EML6: variants seen among roughly 807,000 people sequenced by gnomAD.
The protein encoded by EML6 is EMAP like 6, also known as echinoderm microtubule-associated protein-like 6.
EML6 carries 154 observed loss-of-function variants against 240.1 expected under a neutral mutation model. The ratio of observed to expected loss-of-function variants is 0.64; its 90% CI spans 0.56 to 0.73. The LOEUF (loss-of-function observed/expected upper bound fraction) is 0.73, where lower values mean the gene tolerates loss of function less well. Among genes scored for constraint, EML6 ranks in the 30% least tolerant of loss-of-function variants. The pLI, the probability that EML6 is intolerant of heterozygous loss-of-function variation, is 0.00. For synonymous variants in EML6, 1,148 were observed against 899.0 expected, an observed-to-expected ratio of 1.28 and a Z score of -4.95; for missense variants, 2,964 against 2,474.6, an observed-to-expected ratio of 1.20 and a Z score of -4.20.
intron 2 of EML6, among the ~76,000 whole-genome samples, chr2:54,810,667 G>A (rs911879481): frequency 5.9e-5 from 9 of 152,126 alleles, no homozygotes; most frequent in African/African-American, 2.2e-4. Context: ...CCTATTGCAG[G>A]GGGAGAGGCA....
intron 2 of EML6, among the ~76,000 whole-genome samples, chr2:54,767,256 G>A (rs1475018929): frequency 6.6e-6 from 1 of 152,024 alleles, no homozygotes; most frequent in South Asian, 2.1e-4. Flanking sequence ...AGTTTGACAA[G>A]CCCTATTCAA....
chr2:54,916,872 C>G lies in EML6; in HGVS notation c.3612C>G (p.Asp1204Glu), dbSNP rs1279331603. 6.5e-6 allele frequency: 10 copies of G among 1,550,284 alleles called. No individual in the cohort carries two copies. Among genetic ancestry groups the G allele is most frequent in the African/African-American group, 1.4e-5 (1 of 73,018 alleles). The change falls in exon 26 of 42, where the codon GAC becomes GAG. Residue 1204 changes from aspartate (D) to glutamate (E), a missense_variant. Asp to Glu is a conservative substitution (Grantham distance 45). Coordinates refer to ENST00000356458, the MANE Select transcript of EML6 (RefSeq NM_001039753.4). Reference sequence around the variant, plus strand: ...TAAATGCTGCCAGTCTTACCAAAGACTGTTCCCTTTTAGCCACCGGAGATG... The same window carrying G: ...TAAATGCTGCCAGTCTTACCAAAGAGTGTTCCCTTTTAGCCACCGGAGATG... ...TDVNAASLTK[D>E]CSLLATGDDF...
chr2:54,815,939 A>G (rs1238514562), intron 3 of EML6, among the ~76,000 whole-genome samples: 1 of 152,232 alleles, frequency 6.6e-6, no homozygotes, highest in Admixed American at 6.5e-5. Context: ...CTTGACCCAT[A>G]CAACAATCCA....
At chr2:54,786,614 C>T (rs1669104605) in intron 2 of EML6, among the ~76,000 whole-genome samples, 1 of 152,176 alleles carries the variant, frequency 6.6e-6, no homozygotes, top group Admixed American at 6.5e-5. Flanking sequence ...GTAGAACCCA[C>T]AACACACATT....
intron 21 of EML6, among the ~76,000 whole-genome samples, chr2:54,897,185 T>G (rs371529579): frequency 5.3e-5 from 8 of 152,240 alleles, no homozygotes; most frequent in Non-Finnish European, 1.2e-4. Context: ...CCCAATATGA[T>G]TTAAATAATA....
intron 33 of EML6, among the ~76,000 whole-genome samples, chr2:54,958,216 G>T (rs1676325714): frequency 6.6e-6 from 1 of 152,262 alleles, no homozygotes; most frequent in East Asian, 1.9e-4. Context: ...TTCTGAGACA[G>T]AGTCTTGCTC....
chr2:54,930,395 A>G (rs1674789347), intron 28 of EML6, among the ~76,000 whole-genome samples: 2 of 152,208 alleles, frequency 1.3e-5, no homozygotes, highest in South Asian at 4.1e-4. Flanking sequence ...AGGAGGACTG[A>G]TGATAGAGAG....
At position 54,950,792 on chromosome 2, in the gene EML6, T is replaced by TA. The variant is rs1224408801; in HGVS notation, c.4213+19dup. 1 of 1,544,962 alleles carries TA rather than the reference T, an allele frequency of 6.5e-7. No homozygotes were observed. The highest frequency in any genetic ancestry group is 2.4e-5 in the East Asian group (1 of 40,844). On this transcript the variant is annotated intron_variant, in intron 30 of 41. Transcript: ENST00000356458. Reference sequence around the variant, plus strand: ...AACCTCTCCACAGGTAACCGGGGGTTAAAAAATACAGGTTTTTCTTTTAGC... The same window carrying TA: ...AACCTCTCCACAGGTAACCGGGGGTTAAAAAAATACAGGTTTTTCTTTTAGC...
chr2:54,857,146 A>G (rs1322154950), intron 11 of EML6, among the ~76,000 whole-genome samples: 1 of 152,202 alleles, frequency 6.6e-6, no homozygotes, highest in Non-Finnish European at 1.5e-5. Flanking sequence ...TAAGGGGAAG[A>G]GGAATGTCTC....
At position 54,931,203 on chromosome 2, in the gene EML6, C is replaced by T. The variant is rs868375915; in HGVS notation, c.4004+2452C>T. Reference sequence around the variant, plus strand: ...CGATCTCCTGACCTCGTGATCCGCCCGCCTCGGCCTCCCAAAGTGCTGGGA... The same window carrying T: ...CGATCTCCTGACCTCGTGATCCGCCTGCCTCGGCCTCCCAAAGTGCTGGGA... On this transcript the variant is annotated intron_variant, in intron 28 of 41. Transcript: ENST00000356458. Among the ~76,000 whole-genome samples, 98 of 151,930 alleles carry T rather than the reference C, an allele frequency of 6.5e-4. No homozygotes were observed. The Middle Eastern group carries it at 0.014, about 21-fold the overall frequency.
chr2:54,757,234 G>A (rs1393384347), intron 2 of EML6, among the ~76,000 whole-genome samples: 1 of 151,922 alleles, frequency 6.6e-6, no homozygotes, highest in East Asian at 1.9e-4. Flanking sequence ...TAGGTTCAAG[G>A]CTTTCATCAG....
chr2:54,835,302 T>G (rs1271802788), intron 7 of EML6, among the ~76,000 whole-genome samples: 2 of 152,236 alleles, frequency 1.3e-5, no homozygotes, highest in Non-Finnish European at 2.9e-5. Flanking sequence ...CTTTGTTCAC[T>G]GATGCCTCCC....
At position 54,724,994 on chromosome 2, in the gene EML6, C is replaced by T; in HGVS notation, c.-68C>T. Reference sequence around the variant, plus strand: ...GCGCTGAGCCCCTGCAGGTCCGCCGCAGCCCCAGCCTCGGCGAGGACGGCC... The same window carrying T: ...GCGCTGAGCCCCTGCAGGTCCGCCGTAGCCCCAGCCTCGGCGAGGACGGCC... On this transcript the variant is annotated 5_prime_UTR_variant, in exon 2 of 42. Transcript: ENST00000356458. This position sits in a 1 kb window ranked among gnomAD's most constrained non-coding sequence, Gnocchi z 5.2. 2.3e-6 allele frequency: 3 copies of T among 1,309,190 alleles called. No individual in the cohort carries two copies. The East Asian group carries it at 9.8e-5, about 43-fold the overall frequency. 81.1% of individuals were successfully genotyped at this position (1,309,190 alleles called of 1,614,324 possible).
At chr2:54,808,904 C>T (rs1422665840) in intron 2 of EML6, among the ~76,000 whole-genome samples, 1 of 152,204 alleles carries the variant, frequency 6.6e-6, no homozygotes, top group Non-Finnish European at 1.5e-5. Flanking sequence ...GAAAGTCCTT[C>T]TCTGCAGTGC....
intron 2 of EML6, among the ~76,000 whole-genome samples, chr2:54,782,296 G>A (rs1668887823): frequency 6.6e-6 from 1 of 152,032 alleles, no homozygotes; most frequent in African/African-American, 2.4e-5. Context: ...TTTACAAAGT[G>A]TCATTTTATG....
chr2:54,743,547 A>ATTTC (rs1276603396), intron 2 of EML6, among the ~76,000 whole-genome samples: 1 of 152,188 alleles, frequency 6.6e-6, no homozygotes, highest in African/African-American at 2.4e-5. Flanking sequence ...CTTTGAACCT[A>ATTTC]TTTCTGACTC....
intron 2 of EML6, among the ~76,000 whole-genome samples, chr2:54,781,111 C>G (rs748278931): frequency 5.3e-5 from 8 of 152,198 alleles, no homozygotes; most frequent in Non-Finnish European, 7.3e-5. Flanking sequence ...AGCACTTAAA[C>G]ATGGAATGAT....
intron 17 of EML6, among the ~76,000 whole-genome samples, chr2:54,887,867 C>G (rs995395089): frequency 6.6e-6 from 1 of 152,212 alleles, no homozygotes; most frequent in Non-Finnish European, 1.5e-5. Context: ...TATCACCCTC[C>G]TGCACTAGAC....
chr2:54,928,841 T>C, intron 28 of EML6, 90 bp downstream of exon 28: 1 of 1,465,176 alleles, frequency 6.8e-7, no homozygotes. Flanking sequence ...CCCTCAAAGT[T>C]GCTGTTTAAG....
Sources: gnomAD v4.1 joint callset for allele counts (sites outside exome capture counted in the v4.1 genomes callset) on GRCh38, gnomAD v4.1.1 for gene constraint, Gnocchi (gnomAD v3.1) non-coding constraint, MANE v1.5 for transcripts, NCBI Gene and HGNC (gene_info 2026-07-23, HGNC 2026-07-21) for gene names.